Variants in MMUT observed in about 807,000 individuals in gnomAD.
MMUT encodes methylmalonyl-CoA mutase.
MMUT carries 79 observed loss-of-function variants against 79.9 expected under a neutral mutation model. That is an observed-to-expected ratio of 0.99 (90% CI 0.82 to 1.19). MMUT has a LOEUF of 1.19. Ranked by LOEUF, MMUT falls within the 50% of genes most tolerant of loss-of-function variation. MMUT has a pLI of 0.00. For missense variants in MMUT, 860 were observed against 917.2 expected, an observed-to-expected ratio of 0.94 and a Z score of 0.81; for synonymous variants, 273 against 295.7, an observed-to-expected ratio of 0.92 and a Z score of 0.79.
chr6:49,435,414 A>G, intron 12 of MMUT, 42 bp downstream of exon 12: 3 of 1,553,308 alleles, frequency 1.9e-6, no homozygotes, highest in East Asian at 2.2e-5. Flanking sequence ...TCATTACTCA[A>G]GATTCCCATC....
chr6:49,457,130 T>C (rs572562418), intron 3 of MMUT, among the ~76,000 whole-genome samples: 1 of 152,320 alleles, frequency 6.6e-6, no homozygotes, highest in East Asian at 1.9e-4. Context: ...AAGGAGTACG[T>C]TGCTGGTAAG....
chr6:49,451,466 C>T lies in MMUT; in HGVS notation c.1332G>A (p.Lys444=). 1 of 1,613,728 alleles carries T rather than the reference C, an allele frequency of 6.2e-7. No individual in the cohort carries two copies. Among genetic ancestry groups the T allele is most frequent in the South Asian group, 1.1e-5 (1 of 91,046 alleles). The change falls in exon 6 of 13, where the codon AAG becomes AAA. Residue 444 remains lysine (K), a splice_region_variant and synonymous_variant. Transcript: ENST00000274813. The part of the protein sequence containing the change: ...LTNDVYDAAL[K]LINEIEEMGG... ...AAAGTTGCAAAGTGGAAAAACTTAC[C>T]TTTAAAGCAGCATCATAAACATCAT...
At chr6:49,437,526 G>A (rs1767162974) in intron 11 of MMUT, among the ~76,000 whole-genome samples, 1 of 152,022 alleles carries the variant, frequency 6.6e-6, no homozygotes, top group African/African-American at 2.4e-5. Flanking sequence ...CTACTCTCTA[G>A]AATCTACAAG....
intron 5 of MMUT, among the ~76,000 whole-genome samples, chr6:49,453,049 T>TG (rs1306062432): frequency 7.1e-6 from 1 of 139,866 alleles, no homozygotes. Flanking sequence ...GTTTTTTTTT[T>TG]TTTTTTTTTT....
chr6:49,460,810 A>G (rs1207707994), intron 1 of MMUT, among the ~76,000 whole-genome samples: 2 of 152,238 alleles, frequency 1.3e-5, no homozygotes, highest in African/African-American at 4.8e-5. Flanking sequence ...CTTAAATGAA[A>G]TCAATACTCA....
intron 11 of MMUT, among the ~76,000 whole-genome samples, chr6:49,437,407 G>A (rs779419444): frequency 1.3e-5 from 2 of 151,882 alleles, no homozygotes; most frequent in Non-Finnish European, 2.9e-5. Context: ...CTACCATATA[G>A]AAAAAATAGA....
chr6:49,457,520 G>T (rs182532141), intron 3 of MMUT, among the ~76,000 whole-genome samples, 171 bp downstream of exon 3: 26 of 152,248 alleles, frequency 1.7e-4, no homozygotes, highest in Non-Finnish European at 3.1e-4. Context: ...CCAGATTCCT[G>T]CAAGTAACGA....
chr6:49,436,197 C>T (rs1215245293), intron 11 of MMUT, among the ~76,000 whole-genome samples: 2 of 152,138 alleles, frequency 1.3e-5, no homozygotes, highest in Non-Finnish European at 2.9e-5. Context: ...TTAGTTCAAC[C>T]ATTGTAGACG....
intron 7 of MMUT, 54 bp from the exon 8 acceptor site, chr6:49,447,839 G>A: frequency 1.0e-6 from 1 of 970,206 alleles, no homozygotes; most frequent in Non-Finnish European, 1.7e-6. Flanking sequence ...TAATTGTAAT[G>A]CTCTGGTTAT....
At chr6:49,439,077 C>T (rs1395610719) in intron 11 of MMUT, among the ~76,000 whole-genome samples, 2 of 152,076 alleles carry the variant, frequency 1.3e-5, no homozygotes, top group African/African-American at 4.8e-5. Flanking sequence ...ATTTGAGCTA[C>T]TTTCTCATGT....
chr6:49,437,893 TAA>T (rs1466666432), intron 11 of MMUT, among the ~76,000 whole-genome samples: 1 of 152,104 alleles, frequency 6.6e-6, no homozygotes, highest in East Asian at 1.9e-4. Flanking sequence ...TCAACAAATA[TAA>T]GTTTCTGGGT....
chr6:49,460,439 G>C (rs1767810896), intron 1 of MMUT, among the ~76,000 whole-genome samples: 1 of 152,146 alleles, frequency 6.6e-6, no homozygotes, highest in African/African-American at 2.4e-5. Flanking sequence ...ATCTACTTCT[G>C]TGCTAGTTTA....
At chr6:49,444,223 T>C (rs1767350763) in intron 9 of MMUT, among the ~76,000 whole-genome samples, 1 of 152,088 alleles carries the variant, frequency 6.6e-6, no homozygotes, top group Non-Finnish European at 1.5e-5. Context: ...TGGTTAAAAC[T>C]AATTCAAAAG....
In MMUT at chr6:49,451,592, A is replaced by C. The variant is rs142539215; in HGVS notation, c.1206T>G (p.Ala402=). 1.2e-5 allele frequency: 19 copies of C among 1,614,162 alleles called. No individual in the cohort carries two copies. The Admixed American group carries it at 3.0e-4, about 25-fold the overall frequency. The stretch of plus-strand genomic sequence containing the variant: ...TGATTTGTGTGTTCCTGGCAATTCG[A>C]GCACTTTTCACAGTTGGCAAACCCA... ...EALGLPTVKS[A]RIARNTQIII... The change falls in exon 6 of 13, where the codon GCT becomes GCG. Residue 402 remains alanine, a synonymous_variant. Transcript: ENST00000274813.
intron 10 of MMUT, among the ~76,000 whole-genome samples, chr6:49,440,740 G>A (rs1412745224): frequency 6.6e-6 from 1 of 152,156 alleles, no homozygotes; most frequent in Admixed American, 6.6e-5. Flanking sequence ...GGCACAGACT[G>A]TAAGCACATA....
chr6:49,446,050 C>G (rs1032823204), intron 8 of MMUT, among the ~76,000 whole-genome samples: 1 of 152,002 alleles, frequency 6.6e-6, no homozygotes, highest in East Asian at 1.9e-4. Flanking sequence ...AGAAGTACAC[C>G]TTTTCTGGTT....
chr6:49,439,411 A>G (rs753354677), intron 11 of MMUT, among the ~76,000 whole-genome samples: 83 of 152,098 alleles, frequency 5.5e-4, no homozygotes, highest in Non-Finnish European at 4.6e-4. Flanking sequence ...TCCAAACATC[A>G]TTGCTATCTG....
chr6:49,461,600 C>A (rs1341046659), intron 1 of MMUT, among the ~76,000 whole-genome samples: 1 of 151,942 alleles, frequency 6.6e-6, no homozygotes, highest in Non-Finnish European at 1.5e-5. Flanking sequence ...GAAACCCAGT[C>A]TCTACTAAAA....
At chr6:49,440,127 C>T in intron 11 of MMUT, 79 bp downstream of exon 11, 1 of 1,557,666 alleles carries the variant, frequency 6.4e-7, no homozygotes, top group South Asian at 1.1e-5. Flanking sequence ...TGCTCAATGT[C>T]TGTCATCATT....
Sources: gnomAD v4.1 joint callset for allele counts (sites outside exome capture counted in the v4.1 genomes callset) on GRCh38, gnomAD v4.1.1 for gene constraint, MANE v1.5 for transcripts, NCBI Gene and HGNC (gene_info 2026-07-23, HGNC 2026-07-21) for gene names.